PTPRD: variants seen among roughly 807,000 people sequenced by gnomAD.
PTPRD encodes the protein protein tyrosine phosphatase receptor type D, also known as receptor-type tyrosine-protein phosphatase delta.
PTPRD carries 34 observed loss-of-function variants against 214.5 expected under a neutral mutation model. That is an observed-to-expected ratio of 0.16 (90% CI 0.12 to 0.21). PTPRD has a LOEUF of 0.21. Ranked by LOEUF, PTPRD falls within the 10% of genes least tolerant of loss-of-function variation. The pLI is 1.00. For missense variants in PTPRD, 2,545 were observed against 2,398.7 expected, an observed-to-expected ratio of 1.06 and a Z score of -1.27; for synonymous variants, 1,128 against 845.7, an observed-to-expected ratio of 1.33 and a Z score of -5.79.
chr9:9,236,111 A>G (rs1354714750), intron 9 of PTPRD, among the ~76,000 whole-genome samples: 1 of 152,004 alleles, frequency 6.6e-6, no homozygotes, highest in Non-Finnish European at 1.5e-5. Flanking sequence ...CAAAAATACA[A>G]AAAAGTAGCT....
intron 8 of PTPRD, among the ~76,000 whole-genome samples, chr9:9,568,582 T>C (rs2154298316): frequency 6.6e-6 from 1 of 152,062 alleles, no homozygotes; most frequent in East Asian, 1.9e-4. Context: ...AGAAAATATA[T>C]GCTACTTACA....
intron 11 of PTPRD, among the ~76,000 whole-genome samples, chr9:8,786,033 T>C: frequency 7.0e-6 from 1 of 143,224 alleles, no homozygotes; most frequent in East Asian, 2.2e-4. Context: ...GCTTAATTTG[T>C]TGTGTGTGTG....
At chr9:9,195,107 T>TGTATAC (rs1554959655) in intron 9 of PTPRD, among the ~76,000 whole-genome samples, 12 of 141,168 alleles carry the variant, frequency 8.5e-5, no homozygotes, top group African/African-American at 3.1e-4. Context: ...TATATATATA[T>TGTATAC]ACACACACAC....
At chr9:9,046,093 A>G (rs537693630) in intron 10 of PTPRD, among the ~76,000 whole-genome samples, 275 of 152,326 alleles carry the variant, frequency 1.8e-3, no homozygotes, top group African/African-American at 6.3e-3. Flanking sequence ...ATTTTTATGT[A>G]AAATGTCAGA....
chr9:9,426,372 C>A (rs946710709), intron 8 of PTPRD, among the ~76,000 whole-genome samples: 7 of 152,314 alleles, frequency 4.6e-5, no homozygotes, highest in Middle Eastern at 3.4e-3. Flanking sequence ...GGGCGCCCAC[C>A]ATTGCTGAGG....
chr9:8,929,871 G>GTATATA (rs1567064039), intron 11 of PTPRD, among the ~76,000 whole-genome samples: 1 of 84,732 alleles, frequency 1.2e-5, no homozygotes. Flanking sequence ...ATATACATGT[G>GTATATA]TGTGTATATA....
intron 10 of PTPRD, among the ~76,000 whole-genome samples, chr9:9,162,599 A>C (rs916035567): frequency 2.6e-5 from 4 of 151,816 alleles, no homozygotes; most frequent in Non-Finnish European, 5.9e-5. Context: ...TCCACCCTCC[A>C]CCTGCTTGCA....
chr9:10,495,784 T>A (rs561308962), intron 2 of PTPRD, among the ~76,000 whole-genome samples: 73 of 151,770 alleles, frequency 4.8e-4, no homozygotes, highest in Non-Finnish European at 7.7e-4. Context: ...GCATTTAAAA[T>A]GTGAAACATT....
At chr9:9,090,461 C>A (rs1305959277) in intron 10 of PTPRD, among the ~76,000 whole-genome samples, 1 of 152,118 alleles carries the variant, frequency 6.6e-6, no homozygotes, top group African/African-American at 2.4e-5. Flanking sequence ...ATCAGAACAT[C>A]ATTCTGAGAT....
At chr9:8,919,927 CATGCATGT>C (rs754476534) in intron 11 of PTPRD, among the ~76,000 whole-genome samples, 7 of 126,664 alleles carry the variant, frequency 5.5e-5, no homozygotes, top group Non-Finnish European at 1.3e-4. Flanking sequence ...GATGCATGTG[CATGCATGT>C]ATGCATGTAC....
chr9:9,038,073 A>G (rs1163495408), intron 10 of PTPRD, among the ~76,000 whole-genome samples: 1 of 152,210 alleles, frequency 6.6e-6, no homozygotes, highest in African/African-American at 2.4e-5. Flanking sequence ...CTAACTACAG[A>G]TTTGTTCCTT....
chr9:8,335,292 C>A (rs1157587780), intron 43 of PTPRD, among the ~76,000 whole-genome samples: 3 of 151,722 alleles, frequency 2.0e-5, no homozygotes, highest in Non-Finnish European at 4.4e-5. Flanking sequence ...AGCTTATCCA[C>A]CACGATCAAG....
At chr9:9,583,461 C>A (rs962411096) in intron 7 of PTPRD, among the ~76,000 whole-genome samples, 2 of 151,968 alleles carry the variant, frequency 1.3e-5, no homozygotes, top group South Asian at 2.1e-4. Flanking sequence ...TCCTCTGAAC[C>A]CTTTTTCATG....
intron 9 of PTPRD, among the ~76,000 whole-genome samples, chr9:9,273,559 A>G (rs1014563381): frequency 6.6e-6 from 1 of 151,376 alleles, no homozygotes; most frequent in African/African-American, 2.4e-5. Context: ...CTTTAAAAAC[A>G]GAGAACTGTG....
At chr9:10,041,509 T>C (rs1299842807) in intron 3 of PTPRD, among the ~76,000 whole-genome samples, 2 of 150,772 alleles carry the variant, frequency 1.3e-5, no homozygotes, top group East Asian at 3.9e-4. Context: ...AGCAACTATT[T>C]CAATTTTTTT....
chr9:10,072,510 C>A (rs1199238121), intron 3 of PTPRD, among the ~76,000 whole-genome samples: 1 of 152,048 alleles, frequency 6.6e-6, no homozygotes, highest in Admixed American at 6.6e-5. Context: ...ACACAGCTTC[C>A]ACAGCATGGA....
intron 3 of PTPRD, among the ~76,000 whole-genome samples, chr9:10,219,252 T>C (rs142388580): frequency 2.0e-4 from 30 of 151,964 alleles, no homozygotes; most frequent in African/African-American, 5.3e-4. Context: ...GTTAAGGTAA[T>C]TGAAGGAAAG....
Position 9,535,012 on chromosome 9 carries a change from G to A in PTPRD, c.-237+39720C>T, listed in dbSNP as rs142272037. Among the ~76,000 whole-genome samples the A allele has an allele frequency of 6.5e-4, 99 of 152,150 alleles. 1 individual carries two copies. Among genetic ancestry groups the A allele is most frequent in the Non-Finnish European group, 9.9e-4 (67 of 67,976 alleles). On this transcript the variant is annotated intron_variant, in intron 8 of 45. Coordinates refer to ENST00000381196, the MANE Select transcript of PTPRD (RefSeq NM_002839.4). The stretch of plus-strand genomic sequence containing the variant: ...ATTTTACAGACTAAATGTAGACAGC[G>A]AAATGTCCAAATAAAATGCAAGATA...
At chr9:8,792,653 G>A (rs1197052551) in intron 11 of PTPRD, among the ~76,000 whole-genome samples, 1 of 152,092 alleles carries the variant, frequency 6.6e-6, no homozygotes, top group African/African-American at 2.4e-5. Flanking sequence ...TTTAAAAAAT[G>A]AAATTATATA....
Sources: allele counts gnomAD v4.1 joint callset (sites outside exome capture counted in the v4.1 genomes callset), GRCh38; gene constraint gnomAD v4.1.1; transcripts MANE v1.5; gene names NCBI Gene and HGNC (gene_info 2026-07-23, HGNC 2026-07-21).